CA10: variants seen among roughly 807,000 people sequenced by gnomAD.
CA10 encodes the protein carbonic anhydrase 10 (inactive).
In CA10, 14 loss-of-function variants were observed where a neutral mutation model predicts 44.2. That is an observed-to-expected ratio of 0.32 (90% CI 0.21 to 0.50). The LOEUF is 0.50. CA10 is among the 20% of genes least tolerant of loss of function. CA10 has a pLI of 0.99. For missense variants in CA10, 350 were observed against 409.7 expected (o/e 0.85, Z 1.26); for synonymous variants, 159 against 141.6 (o/e 1.12, Z -0.87).
chr17:52,064,390 A>G (rs1444458763), intron 2 of CA10, among the ~76,000 whole-genome samples: 1 of 152,180 alleles, frequency 6.6e-6, no homozygotes, highest in Non-Finnish European at 1.5e-5. Context: ...CTTAAGTAGC[A>G]ACCAAAAAAT....
intron 3 of CA10, among the ~76,000 whole-genome samples, chr17:51,822,442 AAAC>A (rs1907849247): frequency 6.6e-6 from 1 of 151,954 alleles, no homozygotes; most frequent in African/African-American, 2.4e-5. Context: ...ACAAAAACAA[AAAC>A]AAAAAAACAA....
intron 2 of CA10, among the ~76,000 whole-genome samples, chr17:51,998,396 G>T (rs203047): frequency 0.99 from 150,382 of 152,196 alleles, 74,321 homozygotes; most frequent in East Asian, 1. Flanking sequence ...AGTTCTTCAT[G>T]GAGTGTAGTC....
intron 3 of CA10, among the ~76,000 whole-genome samples, chr17:51,804,125 TG>T (rs1907040124): frequency 6.6e-6 from 1 of 152,230 alleles, no homozygotes; most frequent in African/African-American, 2.4e-5. Context: ...CATATTTAAA[TG>T]GTAAATTAGT....
intron 2 of CA10, among the ~76,000 whole-genome samples, chr17:51,994,339 G>T (rs1360330249): frequency 6.6e-6 from 1 of 151,992 alleles, no homozygotes; most frequent in Admixed American, 6.6e-5. Flanking sequence ...ACCCTACATG[G>T]TATAATGAAA....
chr17:52,105,620 A>G (rs1988645518), intron 1 of CA10, among the ~76,000 whole-genome samples: 1 of 152,240 alleles, frequency 6.6e-6, no homozygotes, highest in South Asian at 2.1e-4. Flanking sequence ...CAAAATGACA[A>G]TAATAACAGT....
chr17:52,000,635 G>A (rs910903030), intron 2 of CA10, among the ~76,000 whole-genome samples: 6 of 152,120 alleles, frequency 3.9e-5, no homozygotes, highest in Admixed American at 6.6e-5. Context: ...CATATGGCTG[G>A]CAAGTGGTAC....
intron 4 of CA10, among the ~76,000 whole-genome samples, chr17:51,698,729 A>G (rs1915485289): frequency 6.6e-6 from 1 of 152,180 alleles, no homozygotes; most frequent in African/African-American, 2.4e-5. Flanking sequence ...CTCTCCTTCC[A>G]ACCCCTGGTA....
At chr17:51,909,464 C>G (rs202127) in intron 3 of CA10, among the ~76,000 whole-genome samples, 111,901 of 151,994 alleles carry the variant, frequency 0.74, 41,621 homozygotes, top group African/African-American at 0.8. Context: ...GCTCAGTGTC[C>G]TCTGCTCTTT....
At chr17:51,739,286 C>T (rs1343576000) in intron 4 of CA10, among the ~76,000 whole-genome samples, 1 of 152,052 alleles carries the variant, frequency 6.6e-6, no homozygotes, top group East Asian at 1.9e-4. Flanking sequence ...ATGCCTGTAA[C>T]TGCAGTGTCA....
intron 4 of CA10, among the ~76,000 whole-genome samples, chr17:51,725,407 C>T (rs749782252): frequency 4.6e-5 from 7 of 152,202 alleles, no homozygotes; most frequent in Non-Finnish European, 7.3e-5. Context: ...GTTACATCAG[C>T]GTGAGCCACT....
chr17:52,040,920 CACA>C (rs1986750904), intron 2 of CA10, among the ~76,000 whole-genome samples: 1 of 152,038 alleles, frequency 6.6e-6, no homozygotes, highest in South Asian at 2.1e-4. Flanking sequence ...AAGAGGTAAT[CACA>C]ACAATTTCTG....
At chr17:51,878,863 TATATATATATATATATATATA>T (rs1980216827) in intron 3 of CA10, among the ~76,000 whole-genome samples, 1 of 24,906 alleles carries the variant, frequency 4.0e-5, no homozygotes, top group African/African-American at 2.0e-4. Context: ...TATATATATA[TATATATATATATATATATATA>T]TATATATGGG....
At chr17:51,996,011 A>G (rs1474839871) in intron 2 of CA10, among the ~76,000 whole-genome samples, 2 of 152,080 alleles carry the variant, frequency 1.3e-5, no homozygotes, top group Admixed American at 6.6e-5. Flanking sequence ...CTCAAACACA[A>G]CTATTGAAAG....
chr17:51,734,226 T>C (rs1450949813), intron 4 of CA10, among the ~76,000 whole-genome samples: 1 of 151,088 alleles, frequency 6.6e-6, no homozygotes, highest in Non-Finnish European at 1.5e-5. Flanking sequence ...TACACATCAA[T>C]GTTTCTGACT....
chr17:51,903,397 C>G (rs1981404289), intron 3 of CA10, among the ~76,000 whole-genome samples: 1 of 152,136 alleles, frequency 6.6e-6, no homozygotes, highest in African/African-American at 2.4e-5. Flanking sequence ...TCCTTTTCCT[C>G]CTTCACAGCC....
intron 6 of CA10, among the ~76,000 whole-genome samples, chr17:51,640,847 A>C (rs1339683690): frequency 6.6e-6 from 1 of 152,194 alleles, no homozygotes; most frequent in Non-Finnish European, 1.5e-5. Context: ...TCGTCTGGGC[A>C]TTATAGACAG....
chr17:52,150,449 T>C (rs1358833972), intron 1 of CA10, among the ~76,000 whole-genome samples: 19 of 152,216 alleles, frequency 1.2e-4, no homozygotes, highest in Admixed American at 1.2e-3. Context: ...TCTTACTTAT[T>C]CTGGTTGGAT....
chr17:52,071,464 A>G (rs1987677260), intron 2 of CA10, among the ~76,000 whole-genome samples: 1 of 152,190 alleles, frequency 6.6e-6, no homozygotes, highest in South Asian at 2.1e-4. Flanking sequence ...AAAAGAAGAC[A>G]TAGAAGCCAA....
chr17:51,786,036 G>A (rs7224383), intron 3 of CA10, among the ~76,000 whole-genome samples: 17,403 of 152,034 alleles, frequency 0.11, 1,363 homozygotes, highest in African/African-American at 0.23. Flanking sequence ...CACTTATTTG[G>A]TATTTAAATT....
Sources: allele counts gnomAD v4.1 joint callset (sites outside exome capture counted in the v4.1 genomes callset), GRCh38; gene constraint gnomAD v4.1.1; transcripts MANE v1.5; gene names NCBI Gene and HGNC (gene_info 2026-07-23, HGNC 2026-07-21).